HEATR9: variants seen among roughly 807,000 people sequenced by gnomAD.
HEATR9 encodes the protein protein HEATR9.
HEATR9 carries 54 observed loss-of-function variants against 68.2 expected under a neutral mutation model. The observed-to-expected ratio is 0.79, with a 90% CI of 0.64 to 0.99. HEATR9 has a LOEUF of 0.99. Among genes scored for constraint, HEATR9 ranks in the 50% least tolerant of loss-of-function variants. The pLI is 0.00. For synonymous variants in HEATR9, 241 were observed against 253.5 expected, an observed-to-expected ratio of 0.95 and a Z score of 0.47; for missense variants, 662 against 679.7, an observed-to-expected ratio of 0.97 and a Z score of 0.29.
At position 35,866,753 on chromosome 17, in the gene HEATR9, G is replaced by C; in HGVS notation, c.109C>G (p.Pro37Ala). The part of the protein sequence containing the change: ...KTKELRKAMA[P>A]VHLPLSCYQM... ...TAGCAGGACAAGGGCAGATGAACAGGAGCCATGGCTTTTCTGAGTTCTGGC... is the reference window on the plus strand; with the variant it reads ...TAGCAGGACAAGGGCAGATGAACAGCAGCCATGGCTTTTCTGAGTTCTGGC... Residue 37 changes from proline to alanine, a missense_variant, in exon 2 of 15, where the codon CCT (proline) becomes GCT (alanine). Transcript: ENST00000604834. 6.2e-7 allele frequency: 1 copy of C among 1,614,100 alleles called. No homozygotes were observed.
In HEATR9 at chr17:35,858,421, T is replaced by G; in HGVS notation, c.1032+12A>C. 2 of 1,614,094 alleles carry G rather than the reference T, an allele frequency of 1.2e-6. No individual in the cohort carries two copies. Among genetic ancestry groups the G allele is most frequent in the Non-Finnish European group, 1.7e-6 (2 of 1,179,994 alleles). On this transcript the variant is annotated intron_variant, in intron 10 of 14. Transcript: ENST00000604834. Reference sequence around the variant, plus strand: ...GCCGGGAAAGGAAGGGTTCAGGCAGTCCAGAGCTTACCTCAAGGACACTGG... The same window carrying G: ...GCCGGGAAAGGAAGGGTTCAGGCAGGCCAGAGCTTACCTCAAGGACACTGG...
intron 6 of HEATR9, chr17:35,863,791 C>T: frequency 1.7e-6 from 1 of 594,478 alleles, no homozygotes; most frequent in South Asian, 2.1e-5. Context: ...AGCCACTTGG[C>T]CCTGGGCAAG....
intron 1 of HEATR9, among the ~76,000 whole-genome samples, chr17:35,867,213 AC>A (rs972601740): frequency 7.9e-5 from 12 of 152,088 alleles, no homozygotes; most frequent in African/African-American, 2.7e-4. Context: ...AGATCGCATC[AC>A]TGCACTCCAG....
At position 35,865,411 on chromosome 17, in the gene HEATR9, TGG is replaced by T; in HGVS notation, c.139-17_139-16del. 6.2e-7 allele frequency: 1 copy of T among 1,610,334 alleles called. No homozygotes were observed. Among genetic ancestry groups the T allele is most frequent in the South Asian group, 1.1e-5 (1 of 90,596 alleles). On this transcript the variant is annotated splice_polypyrimidine_tract_variant and intron_variant, in intron 2 of 14. Transcript: ENST00000604834. ...TCCTTTGGCATCTGGGGGTTGCAAG[TGG>T]CAGAACAGTCAGAGGGGTCCCCTAG...
Position 35,858,376 on chromosome 17 carries a change from TC to T in HEATR9, c.1032+56del. 4 of 1,613,946 alleles carry T rather than the reference TC, an allele frequency of 2.5e-6. No individual in the cohort carries two copies. The South Asian group carries it at 4.4e-5, about 18-fold the overall frequency. On this transcript the variant is annotated intron_variant, in intron 10 of 14. Coordinates refer to ENST00000604834, the MANE Select transcript of HEATR9 (RefSeq NM_152781.4). Reference sequence around the variant, plus strand: ...TGTGAAAGATGGATTCCCTTCTTCATCCCCTAACCCTATCCTAGTGCCGGGA... The same window carrying T: ...TGTGAAAGATGGATTCCCTTCTTCATCCCTAACCCTATCCTAGTGCCGGGA...
rs141977288 is a variant in HEATR9 at position 35,855,145 on chromosome 17, C to T, written c.1631G>A (p.Arg544Gln). The change falls in exon 15 of 15, where the codon CGA (arginine) becomes CAA (glutamine). Residue 544 changes from arginine to glutamine, a missense_variant. By Grantham distance (43) the Arg-to-Gln change is conservative. Coordinates refer to ENST00000604834, the MANE Select transcript of HEATR9 (RefSeq NM_152781.4). ...PAFPPCCSKP[R>Q]KHRPQVIGPW... ...CCCTATGACCTGTGGCCTATGTTTT[C>T]GTGGTTTCGAGCAGCACGGTGGGAA... is the stretch of plus-strand genomic sequence containing the variant. 139 of 1,614,014 alleles carry T rather than the reference C, an allele frequency of 8.6e-5. No individual in the cohort carries two copies. The highest frequency in any genetic ancestry group is 1.6e-4 in the Middle Eastern group (1 of 6,084).
Position 35,858,224 on chromosome 17 carries a change from C to T in HEATR9, c.1128G>A (p.Arg376=). 6.2e-7 allele frequency: 1 copy of T among 1,614,142 alleles called. No homozygotes were observed. Among genetic ancestry groups the T allele is most frequent in the South Asian group, 1.1e-5 (1 of 91,074 alleles). ...CAAGGAAGGGTTCATTATGCGTCTTCCTCCTGAGCAGGTTAAATGTGAGTT... is the reference window on the plus strand; with the variant it reads ...CAAGGAAGGGTTCATTATGCGTCTTTCTCCTGAGCAGGTTAAATGTGAGTT... ...LEELTFNLLR[R]KTHNEPFLAV... is the part of the protein sequence containing the mutation. The change falls in exon 11 of 15, where the codon AGG becomes AGA. Residue 376 remains arginine, a synonymous_variant. Transcript: ENST00000604834.
At chr17:35,863,343 C>T (rs2088068781) in intron 7 of HEATR9, among the ~76,000 whole-genome samples, 159 bp downstream of exon 7, 1 of 152,170 alleles carries the variant, frequency 6.6e-6, no homozygotes, top group African/African-American at 2.4e-5. Flanking sequence ...CCCTTTTCAC[C>T]CCACCTTCCT....
At position 35,863,054 on chromosome 17, in the gene HEATR9, C is replaced by G. The variant is rs960286330; in HGVS notation, c.697G>C (p.Glu233Gln). 3.7e-6 allele frequency: 6 copies of G among 1,614,082 alleles called. No homozygotes were observed. In the Admixed American group the frequency reaches 8.3e-5, roughly 22 times the overall value. The change falls in exon 8 of 15, where the codon GAG (glutamate) becomes CAG (glutamine). Residue 233 changes from glutamate (E) to glutamine (Q), a missense_variant. Coordinates refer to ENST00000604834, the MANE Select transcript of HEATR9 (RefSeq NM_152781.4). ...GCCATTCGTAGCCCCGTCAAAGTCTCCATCCTTTGACCCTCATTTTTCTCC... is the reference window on the plus strand; with the variant it reads ...GCCATTCGTAGCCCCGTCAAAGTCTGCATCCTTTGACCCTCATTTTTCTCC... ...LKEKNEGQRM[E>Q]TLTGLRMALN...
Position 35,855,407 on chromosome 17 carries a change from G to A in HEATR9, c.1369C>T (p.Gln457Ter), listed in dbSNP as rs2087736155. 1.1e-5 allele frequency: 17 copies of A among 1,611,426 alleles called. No individual in the cohort carries two copies. Among genetic ancestry groups the A allele is most frequent in the Non-Finnish European group, 1.4e-5 (17 of 1,178,232 alleles). ...GAGGCACAAAGGATTAATGTTTCTT[G>A]TAGCTGCATTGAAACAAAGGTCCTA... ...ENHQAVKKSL[Q>*]ETLILCASID... is the part of the protein sequence containing the mutation. The change falls in exon 15 of 15, where the codon CAA becomes TAA. Residue 457 changes from glutamine to a stop codon, truncating the protein, a stop_gained. Coordinates refer to ENST00000604834, the MANE Select transcript of HEATR9 (RefSeq NM_152781.4). LOFTEE classifies it low-confidence loss of function (END_TRUNC).
chr17:35,856,303 T>G, intron 12 of HEATR9, 79 bp from the exon 13 acceptor site: 1 of 1,614,016 alleles, frequency 6.2e-7, no homozygotes, highest in Non-Finnish European at 8.5e-7. Context: ...GCTTTTCAGG[T>G]CCAGAGCGAA....
At chr17:35,864,620 G>T in intron 4 of HEATR9, 67 bp from the exon 5 acceptor site, 1 of 1,586,352 alleles carries the variant, frequency 6.3e-7, no homozygotes, top group Non-Finnish European at 8.6e-7. Context: ...ACTAAAGGGA[G>T]CTCATCCAAT....
Position 35,864,277 on chromosome 17 carries a change from T to C in HEATR9, c.536A>G (p.Asp179Gly), listed in dbSNP as rs570995588. Reference sequence around the variant, plus strand: ...CTGTAGTGCCTCCATGACAAACTTGTCACTGATGCGTAAGCATCCCAGAGC... The same window carrying C: ...CTGTAGTGCCTCCATGACAAACTTGCCACTGATGCGTAAGCATCCCAGAGC... ...AQALGCLRIS[D>G]KFVMEALQQV... Residue 179 changes from aspartate (D) to glycine (G), a missense_variant, in exon 6 of 15, where the codon GAC becomes GGC. Asp to Gly is a moderately conservative substitution (Grantham distance 94, BLOSUM62 -1). Transcript: ENST00000604834. 6.2e-7 allele frequency: 1 copy of C among 1,613,216 alleles called. No homozygotes were observed. The highest frequency in any genetic ancestry group is 1.3e-5 in the African/African-American group (1 of 75,014).
At chr17:35,864,649 C>T in intron 4 of HEATR9, 96 bp from the exon 5 acceptor site, 1 of 1,587,712 alleles carries the variant, frequency 6.3e-7, no homozygotes, top group Non-Finnish European at 8.6e-7. Context: ...TTTTCCTACC[C>T]TACCTCTGTT....
intron 2 of HEATR9, among the ~76,000 whole-genome samples, chr17:35,866,048 G>A (rs2088187729): frequency 6.6e-6 from 1 of 152,174 alleles, no homozygotes; most frequent in Non-Finnish European, 1.5e-5. Context: ...ATTTGGCTAG[G>A]ATTCATCCCT....
chr17:35,858,550 G>A (rs1218514936), intron 9 of HEATR9, 25 bp from the exon 10 acceptor site: 5 of 1,599,706 alleles, frequency 3.1e-6, no homozygotes, highest in Non-Finnish European at 3.4e-6. Context: ...GGTAGGGCAG[G>A]GTGTACAGGG....
At position 35,868,721 on chromosome 17, in the gene HEATR9, C is replaced by A; in HGVS notation, c.22G>T (p.Asp8Tyr). The change falls in exon 1 of 15, where the codon GAT (aspartate) becomes TAT (tyrosine). Residue 8 changes from aspartate to tyrosine, a missense_variant. Physicochemically the swap from Asp to Tyr is radical, Grantham distance 160 (BLOSUM62 -3). Coordinates refer to ENST00000604834, the MANE Select transcript of HEATR9 (RefSeq NM_152781.4). ...ATTGACCTGGAGACATCAGAGATAT[C>A]AGTTGATTTTTCATAGGCCATCTTC... is the stretch of plus-strand genomic sequence containing the variant. MAYEKST[D>Y]ISDVSRSMFL... The A allele has an allele frequency of 1.2e-6, 2 of 1,614,100 alleles. No homozygotes were observed. Among genetic ancestry groups the A allele is most frequent in the Non-Finnish European group, 1.7e-6 (2 of 1,180,012 alleles).
chr17:35,868,501 C>G, intron 1 of HEATR9, 154 bp downstream of exon 1: 1 of 1,363,508 alleles, frequency 7.3e-7, no homozygotes, highest in Non-Finnish European at 9.7e-7. Flanking sequence ...ACCTTGAGGA[C>G]TGTGCAGAGC....
chr17:35,855,341 G>T lies in HEATR9; in HGVS notation c.1435C>A (p.Leu479Ile), dbSNP rs2087733638. ...WIQNKLKNKVLSVYEAPKTNV... is the reference protein window; with the variant it reads ...WIQNKLKNKVISVYEAPKTNV... Reference sequence around the variant, plus strand: ...GTCTTAGGTGCCTCATATACAGAGAGAACCTTGTTTTTCAGCTTGTTTTGG... The same window carrying T: ...GTCTTAGGTGCCTCATATACAGAGATAACCTTGTTTTTCAGCTTGTTTTGG... The change falls in exon 15 of 15, where the codon CTC (leucine) becomes ATC (isoleucine). Residue 479 changes from leucine (L) to isoleucine (I), a missense_variant. Leu to Ile is a conservative substitution (Grantham distance 5). Transcript: ENST00000604834. 1.2e-6 allele frequency: 2 copies of T among 1,614,032 alleles called. No individual in the cohort carries two copies. Among genetic ancestry groups the T allele is most frequent in the African/African-American group, 1.3e-5 (1 of 74,934 alleles).
Sources: allele counts gnomAD v4.1 joint callset (sites outside exome capture counted in the v4.1 genomes callset), GRCh38; gene constraint gnomAD v4.1.1; transcripts MANE v1.5; gene names NCBI Gene and HGNC (gene_info 2026-07-23, HGNC 2026-07-21).